Variants in KALRN observed in about 807,000 individuals in gnomAD.
KALRN encodes the protein kalirin.
In KALRN, 70 loss-of-function variants were observed where a neutral mutation model predicts 353.7. That is an observed-to-expected ratio of 0.20 (90% CI 0.16 to 0.24). The LOEUF is 0.24. Ranked by LOEUF, KALRN falls within the 10% of genes least tolerant of loss-of-function variation. The pLI is 1.00. For missense variants in KALRN, 2,791 were observed against 3,756.7 expected, an observed-to-expected ratio of 0.74 and a Z score of 6.72; for synonymous variants, 1,391 against 1,434.8, an observed-to-expected ratio of 0.97 and a Z score of 0.69.
At chr3:124,297,607 A>AG (rs1168688537) in intron 5 of KALRN, among the ~76,000 whole-genome samples, 1 of 152,252 alleles carries the variant, frequency 6.6e-6, no homozygotes, top group Non-Finnish European at 1.5e-5. Context: ...AGAAACTGTA[A>AG]GGGACATGTG....
At chr3:124,457,553 G>A (rs183630955) in intron 23 of KALRN, among the ~76,000 whole-genome samples, 1 of 152,014 alleles carries the variant, frequency 6.6e-6, no homozygotes, top group African/African-American at 2.4e-5. Context: ...TACTCTTCCT[G>A]CCACCAGCAC....
At chr3:124,456,539 C>A in intron 22 of KALRN, 71 bp from the exon 23 acceptor site, 1 of 1,048,812 alleles carries the variant, frequency 9.5e-7, no homozygotes, top group Non-Finnish European at 1.5e-6. Flanking sequence ...CCTTTTACCA[C>A]CTCCCTCAAC....
chr3:124,526,263 G>A (rs985081103), intron 33 of KALRN, among the ~76,000 whole-genome samples: 3 of 152,004 alleles, frequency 2.0e-5, no homozygotes, highest in Non-Finnish European at 4.4e-5. Flanking sequence ...GTTTTTTCTC[G>A]ATTAAAAGTC....
At chr3:124,359,246 T>C (rs1430578851) in intron 10 of KALRN, among the ~76,000 whole-genome samples, 4 of 152,198 alleles carry the variant, frequency 2.6e-5, no homozygotes, top group East Asian at 1.9e-4. Context: ...GTAAGAATGA[T>C]TGGTGACAGC....
At chr3:124,318,908 G>T (rs558015016) in intron 6 of KALRN, among the ~76,000 whole-genome samples, 1 of 152,066 alleles carries the variant, frequency 6.6e-6, no homozygotes, top group Non-Finnish European at 1.5e-5. Flanking sequence ...AGCAATGGCT[G>T]GGTTCCTTTT....
intron 1 of KALRN, chr3:124,096,804 T>G (rs1309730144): frequency 6.6e-6 from 1 of 152,220 alleles, no homozygotes; most frequent in African/African-American, 2.4e-5. Flanking sequence ...GGAAATTTAT[T>G]GTGTTAGTGC....
At chr3:124,577,492 C>A (rs568025674) in intron 34 of KALRN, among the ~76,000 whole-genome samples, 4 of 152,092 alleles carry the variant, frequency 2.6e-5, no homozygotes, top group Non-Finnish European at 5.9e-5. Context: ...GATTACTATG[C>A]GTGATTCTGG....
At chr3:124,150,704 T>A (rs1379907297) in intron 1 of KALRN, among the ~76,000 whole-genome samples, 4 of 152,268 alleles carry the variant, frequency 2.6e-5, no homozygotes, top group Non-Finnish European at 5.9e-5. Context: ...TTTCATGTTA[T>A]AAACTTTTCA....
intron 29 of KALRN, among the ~76,000 whole-genome samples, chr3:124,489,418 G>A (rs2062902795): frequency 6.6e-6 from 1 of 151,992 alleles, no homozygotes; most frequent in Non-Finnish European, 1.5e-5. Context: ...TTCTCTTCTG[G>A]ACTCCATCCT....
chr3:124,113,557 A>C (rs779461321), intron 1 of KALRN, among the ~76,000 whole-genome samples: 2 of 152,204 alleles, frequency 1.3e-5, no homozygotes, highest in Non-Finnish European at 2.9e-5. Context: ...CCCTGGGGGA[A>C]ACTTCAGCTT....
chr3:124,611,164 A>AG (rs2077916068), intron 34 of KALRN, among the ~76,000 whole-genome samples: 1 of 152,226 alleles, frequency 6.6e-6, no homozygotes, highest in East Asian at 1.9e-4. Context: ...TGTGCTGATA[A>AG]GGCAGCCTTT....
chr3:124,398,392 G>A (rs1029520595), intron 12 of KALRN, among the ~76,000 whole-genome samples: 18 of 152,058 alleles, frequency 1.2e-4, no homozygotes, highest in African/African-American at 4.4e-4. Context: ...AATATTTTAT[G>A]CCTTGTAGAG....
In KALRN at chr3:124,276,675, A is replaced by G. The variant is rs116332487; in HGVS notation, c.969+7420A>G. 6.9e-3 allele frequency among the ~76,000 whole-genome samples: 1,047 copies of G among 152,324 alleles called. 22 individuals are homozygous for G. Among genetic ancestry groups the G allele is most frequent in the African/African-American group, 0.023 (976 of 41,574 alleles). On this transcript the variant is annotated intron_variant, in intron 5 of 59. Transcript: ENST00000682506. ...TTCGGAATGTTCAAAGTATTTTCACACCCATGACCTTAGAGATTTTCTGGC... is the reference window on the plus strand; with the variant it reads ...TTCGGAATGTTCAAAGTATTTTCACGCCCATGACCTTAGAGATTTTCTGGC...
chr3:124,570,005 A>G (rs1332498452), intron 34 of KALRN, among the ~76,000 whole-genome samples: 1 of 152,210 alleles, frequency 6.6e-6, no homozygotes, highest in Non-Finnish European at 1.5e-5. Context: ...CAGCCTGTTC[A>G]ACAGATTGTC....
chr3:124,209,823 GT>G (rs2076753485), intron 1 of KALRN, among the ~76,000 whole-genome samples: 1 of 152,228 alleles, frequency 6.6e-6, no homozygotes, highest in African/African-American at 2.4e-5. Flanking sequence ...CTGGGCTTCA[GT>G]TTCCTTGTCT....
intron 5 of KALRN, among the ~76,000 whole-genome samples, chr3:124,285,138 C>A (rs1272113761): frequency 6.6e-6 from 1 of 152,162 alleles, no homozygotes; most frequent in Non-Finnish European, 1.5e-5. Context: ...AAGACTTGCC[C>A]AATCCTGAAC....
chr3:124,061,694 A>T (rs2042009054), intron 1 of KALRN, among the ~76,000 whole-genome samples: 1 of 152,230 alleles, frequency 6.6e-6, no homozygotes. Flanking sequence ...TCATCAGGCC[A>T]TGACACTTTT....
rs1220270380 is a variant in KALRN at position 124,367,452 on chromosome 3, A to G, written c.1771-17393A>G. Among the ~76,000 whole-genome samples the G allele has an allele frequency of 2.9e-3, 120 of 41,316 alleles. 1 individual carries two copies. Among genetic ancestry groups the G allele is most frequent in the African/African-American group, 0.011 (96 of 9,016 alleles). 27.1% of individuals were successfully genotyped at this position (41,316 alleles called of 152,430 possible). A position where few individuals can be genotyped will look rare whatever the true frequency, so the allele number is the denominator to read the frequency against. ...TCCCTCCCGGACGGGGCGGCTGGCC[A>G]GGCGGGGGGCTGACCCCCCCACCTC... On this transcript the variant is annotated intron_variant, in intron 10 of 59. Transcript: ENST00000682506.
At chr3:124,058,504 G>T (rs983297490) in intron 1 of KALRN, among the ~76,000 whole-genome samples, 6 of 152,130 alleles carry the variant, frequency 3.9e-5, no homozygotes, top group African/African-American at 7.2e-5. Context: ...ACCAAGAGGG[G>T]CCCTTCCTGC....
Sources: gnomAD v4.1 joint callset for allele counts (sites outside exome capture counted in the v4.1 genomes callset) on GRCh38, gnomAD v4.1.1 for gene constraint, MANE v1.5 for transcripts, NCBI Gene and HGNC (gene_info 2026-07-23, HGNC 2026-07-21) for gene names.